TLR6: variants seen among roughly 807,000 people sequenced by gnomAD.
The protein encoded by TLR6 is toll like receptor 6.
TLR6 carries 9 observed loss-of-function variants against 16.1 expected under a neutral mutation model. The ratio of observed to expected loss-of-function variants is 0.56; its 90% confidence interval spans 0.34 to 0.98. The LOEUF is 0.98. Ranked by LOEUF, TLR6 falls within the 50% of genes least tolerant of loss-of-function variation. The pLI is 0.02. For missense variants in TLR6, 786 were observed against 921.0 expected (o/e 0.85, Z 1.90); for synonymous variants, 340 against 338.6 (o/e 1.00, Z -0.04).
At chr4:38,860,078 T>C (rs2109483686), upstream of TLR6, among the ~76,000 whole-genome samples, 1 of 142,918 alleles carries the variant, frequency 7.0e-6, no homozygotes, top group East Asian at 2.2e-4. Context: ...CTCCAGATAA[T>C]AAATAAATAA....
the TLR6 span, among the ~76,000 whole-genome samples, chr4:38,865,119 G>A: frequency 6.6e-6 from 1 of 152,136 alleles, no homozygotes; most frequent in Non-Finnish European, 1.5e-5. Flanking sequence ...AAACATATCC[G>A]TAACATTTTT....
upstream of TLR6, among the ~76,000 whole-genome samples, chr4:38,858,792 GGAGAGAGA>G (rs56086259): frequency 5.5e-5 from 1 of 18,112 alleles, no homozygotes; most frequent in African/African-American, 2.3e-4. Context: ...AGAGAGAGAG[GGAGAGAGA>G]GAGAGAGAGA....
chr4:38,828,528 C>G, exon 2 of TLR6: 1 of 1,614,102 alleles, frequency 6.2e-7, no homozygotes, highest in Non-Finnish European at 8.5e-7. Context: ...AACAGAAAAA[C>G]TTGGTTCGTG....
intron 1 of TLR6, among the ~76,000 whole-genome samples, chr4:38,833,403 A>G (rs1468862072): frequency 2.6e-5 from 4 of 152,206 alleles, no homozygotes; most frequent in Non-Finnish European, 5.9e-5. Flanking sequence ...GACAACTGTA[A>G]CCTAAGCCAC....
At chr4:38,863,099 G>T in the TLR6 span, among the ~76,000 whole-genome samples, 15 of 152,078 alleles carry the variant, frequency 9.9e-5, no homozygotes, top group Non-Finnish European at 1.8e-4. Flanking sequence ...CCGGTCAGAA[G>T]AAATAGCTCT....
exon 2 of TLR6, chr4:38,825,579 T>C (rs1308073021): frequency 6.6e-6 from 1 of 152,258 alleles, no homozygotes; most frequent in East Asian, 1.9e-4. Flanking sequence ...TGTGAGTTAT[T>C]GGAGGGCCTT....
intron 1 of TLR6, among the ~76,000 whole-genome samples, chr4:38,838,477 G>A (rs1434928414): frequency 6.6e-6 from 1 of 152,150 alleles, no homozygotes; most frequent in Non-Finnish European, 1.5e-5. Context: ...CATTACATTA[G>A]CAAAATAAGC....
At chr4:38,843,744 C>G (rs1373759689) in intron 1 of TLR6, 1 of 152,226 alleles carries the variant, frequency 6.6e-6, no homozygotes, top group Non-Finnish European at 1.5e-5. Context: ...AACTGCCCAT[C>G]AGAACACCCA....
chr4:38,851,493 G>A (rs1403470306), intron 1 of TLR6, among the ~76,000 whole-genome samples: 16 of 152,236 alleles, frequency 1.1e-4, no homozygotes, highest in African/African-American at 2.4e-4. Context: ...AAACCCCATC[G>A]TCTCAGCCCA....
intron 1 of TLR6, among the ~76,000 whole-genome samples, chr4:38,846,358 G>A (rs11096963): frequency 0.25 from 37,243 of 151,990 alleles, 5,021 homozygotes; most frequent in Non-Finnish European, 0.28. Flanking sequence ...AGAAAGAGGA[G>A]AGATTCTTTT....
At chr4:38,831,963 T>A (rs1711619060) in intron 1 of TLR6, among the ~76,000 whole-genome samples, 1 of 152,174 alleles carries the variant, frequency 6.6e-6, no homozygotes, top group Non-Finnish European at 1.5e-5. Context: ...CTAAGCATAG[T>A]CTTATCACAC....
chr4:38,841,052 G>T (rs550344962), intron 1 of TLR6, among the ~76,000 whole-genome samples: 6 of 152,050 alleles, frequency 3.9e-5, no homozygotes, highest in South Asian at 2.1e-4. Flanking sequence ...TTTTTGGGGG[G>T]TGGGGTGGAT....
chr4:38,841,484 G>A (rs1015393453), intron 1 of TLR6, among the ~76,000 whole-genome samples: 1 of 152,172 alleles, frequency 6.6e-6, no homozygotes, highest in Non-Finnish European at 1.5e-5. Context: ...CCAGCTACTA[G>A]GGAGGCTGAA....
chr4:38,829,128 A>T, exon 2 of TLR6: 1 of 1,614,088 alleles, frequency 6.2e-7, no homozygotes. Context: ...GGATGGCAGG[A>T]TATCTTTTGC....
At chr4:38,862,214 G>A in the TLR6 span, among the ~76,000 whole-genome samples, 1 of 152,238 alleles carries the variant, frequency 6.6e-6, no homozygotes, top group South Asian at 2.1e-4. Flanking sequence ...ACTCAAGGAA[G>A]TCACTCTTGC....
At chr4:38,825,422 T>C (rs1727498603) in exon 2 of TLR6, 1 of 152,224 alleles carries the variant, frequency 6.6e-6, no homozygotes, top group African/African-American at 2.4e-5. Context: ...ATTCTAGATG[T>C]CCCTATGCCA....
upstream of TLR6, among the ~76,000 whole-genome samples, chr4:38,858,811 G>GGA (rs1263168907): frequency 0.013 from 1,413 of 108,032 alleles, 49 homozygotes; most frequent in African/African-American, 0.051. Flanking sequence ...GAGAGAGAGA[G>GGA]AGGGAGAGAG....
At chr4:38,830,018 T>C (rs1269537382) in intron 1 of TLR6, among the ~76,000 whole-genome samples, 1 of 152,196 alleles carries the variant, frequency 6.6e-6, no homozygotes, top group East Asian at 1.9e-4. Flanking sequence ...TCTCTGTATA[T>C]ACCAGGGAGT....
chr4:38,858,832 G>GAAGAAAGA (rs71190999), upstream of TLR6, among the ~76,000 whole-genome samples: 686 of 50,754 alleles, frequency 0.014, 13 homozygotes, highest in South Asian at 0.045. Flanking sequence ...AGAGAGAGAG[G>GAAGAAAGA]AAGAAAGAAA....
Sources: gnomAD v4.1 joint callset for allele counts (sites outside exome capture counted in the v4.1 genomes callset) on GRCh38, gnomAD v4.1.1 for gene constraint, MANE v1.5 for transcripts, NCBI Gene and HGNC (gene_info 2026-07-23, HGNC 2026-07-21) for gene names.